CACNA1D: variants seen among roughly 807,000 people sequenced by gnomAD.
CACNA1D encodes voltage-dependent L-type calcium channel subunit alpha-1D.
CACNA1D carries 55 observed loss-of-function variants against 257.1 expected under a neutral mutation model. That is an observed-to-expected ratio of 0.21 (90% CI 0.17 to 0.27). CACNA1D has a LOEUF of 0.27. Ranked by LOEUF, CACNA1D falls within the 10% of genes least tolerant of loss-of-function variation. The probability of loss-of-function intolerance (pLI) is 1.00; values close to 1 mark genes in which losing one functional copy is unlikely to be tolerated. For missense variants in CACNA1D, 1,876 were observed against 2,784.0 expected, an observed-to-expected ratio of 0.67 and a Z score of 7.34; for synonymous variants, 980 against 1,014.9, an observed-to-expected ratio of 0.97 and a Z score of 0.65.
At chr3:53,643,407 C>G (rs74777209) in intron 3 of CACNA1D, among the ~76,000 whole-genome samples, 6,749 of 152,204 alleles carry the variant, frequency 0.044, 505 homozygotes, top group African/African-American at 0.15. Context: ...TGCGGCTCCC[C>G]TGGGTCACCT....
At chr3:53,526,662 T>C (rs1253566454) in intron 3 of CACNA1D, among the ~76,000 whole-genome samples, 1 of 152,214 alleles carries the variant, frequency 6.6e-6, no homozygotes, top group Non-Finnish European at 1.5e-5. Context: ...TTCTTAATCT[T>C]TCTGAGGTTT....
At chr3:53,670,733 TAA>T (rs780017175) in intron 7 of CACNA1D, among the ~76,000 whole-genome samples, 57 of 152,216 alleles carry the variant, frequency 3.7e-4, no homozygotes, top group Admixed American at 1.6e-3. Flanking sequence ...GACTTTGATA[TAA>T]GTTTTTTAAA....
chr3:53,583,247 C>G (rs1488340620), intron 3 of CACNA1D, among the ~76,000 whole-genome samples: 1 of 151,308 alleles, frequency 6.6e-6, no homozygotes, highest in Non-Finnish European at 1.5e-5. Flanking sequence ...TTTTTAATTG[C>G]TACCTCTAGG....
intron 3 of CACNA1D, among the ~76,000 whole-genome samples, chr3:53,612,611 T>C (rs1165773767): frequency 6.6e-6 from 1 of 152,120 alleles, no homozygotes; most frequent in Non-Finnish European, 1.5e-5. Context: ...CAGCAAAGAC[T>C]GGAGGGTTTC....
chr3:53,794,441 G>T (rs535546098), intron 40 of CACNA1D, among the ~76,000 whole-genome samples: 7 of 152,246 alleles, frequency 4.6e-5, no homozygotes, highest in African/African-American at 1.4e-4. Context: ...CCATTCAGAC[G>T]TCCCAAAGGC....
intron 3 of CACNA1D, among the ~76,000 whole-genome samples, chr3:53,627,403 A>C: frequency 6.6e-6 from 1 of 152,236 alleles, no homozygotes; most frequent in Non-Finnish European, 1.5e-5. Context: ...GCAGCGGTTC[A>C]GGACTGTAGC....
intron 3 of CACNA1D, among the ~76,000 whole-genome samples, chr3:53,507,968 C>A (rs2090925444): frequency 1.6e-5 from 2 of 121,878 alleles, no homozygotes; most frequent in Non-Finnish European, 3.8e-5. Flanking sequence ...GCATCAGACA[C>A]AGCTGGAAAG....
chr3:53,585,746 G>A (rs186442640), intron 3 of CACNA1D, among the ~76,000 whole-genome samples: 1 of 152,142 alleles, frequency 6.6e-6, no homozygotes, highest in Non-Finnish European at 1.5e-5. Flanking sequence ...GGGAGGGGCT[G>A]GTCCACGCAG....
chr3:53,574,172 A>T (rs752518743), intron 3 of CACNA1D, among the ~76,000 whole-genome samples: 1 of 152,142 alleles, frequency 6.6e-6, no homozygotes, highest in African/African-American at 2.4e-5. Flanking sequence ...GTTCTAAATG[A>T]CGAGGGTGCT....
chr3:53,527,679 T>C (rs2107414010), intron 3 of CACNA1D, among the ~76,000 whole-genome samples: 1 of 152,322 alleles, frequency 6.6e-6, no homozygotes, highest in African/African-American at 2.4e-5. Flanking sequence ...CATTTCTTCC[T>C]ATCCATGCCC....
intron 3 of CACNA1D, among the ~76,000 whole-genome samples, chr3:53,578,238 A>G (rs2093071269): frequency 6.6e-6 from 1 of 152,114 alleles, no homozygotes; most frequent in South Asian, 2.1e-4. Context: ...AGCCCCATCC[A>G]GCTGGGACAA....
chr3:53,621,674 AG>A (rs1400958706), intron 3 of CACNA1D, among the ~76,000 whole-genome samples: 1 of 151,836 alleles, frequency 6.6e-6, no homozygotes, highest in Non-Finnish European at 1.5e-5. Context: ...GTTAAGAAAA[AG>A]TAAGTAAGCC....
chr3:53,775,454 G>A (rs187044244), intron 34 of CACNA1D, among the ~76,000 whole-genome samples: 1 of 152,308 alleles, frequency 6.6e-6, no homozygotes, highest in Non-Finnish European at 1.5e-5. Context: ...GCAACTGCCT[G>A]TAGTCCTAGC....
intron 40 of CACNA1D, chr3:53,791,003 A>AT: frequency 1.4e-6 from 1 of 702,240 alleles, no homozygotes. Flanking sequence ...ATGCTTTAGA[A>AT]TTTTCTGCCT....
chr3:53,744,769 T>G lies in CACNA1D; in HGVS notation c.2948T>G (p.Leu983Arg). 6.2e-7 allele frequency: 1 copy of G among 1,610,142 alleles called. No individual in the cohort carries two copies. The highest frequency in any genetic ancestry group is 8.5e-7 in the Non-Finnish European group (1 of 1,176,280). ...QSSAISVVKILRVLRVLRPLR... is the reference protein window; with the variant it reads ...QSSAISVVKIRRVLRVLRPLR... Reference sequence around the variant, plus strand: ...AGTGCCATCTCCGTTGTGAAGATTCTGAGGGTCTTAAGGGTCCTGCGTCCC... The same window carrying G: ...AGTGCCATCTCCGTTGTGAAGATTCGGAGGGTCTTAAGGGTCCTGCGTCCC... The change falls in exon 23 of 48, where the codon CTG becomes CGG. Residue 983 changes from leucine to arginine, a missense_variant. Leu to Arg is a moderately radical substitution (Grantham distance 102). Coordinates refer to ENST00000350061, the MANE Select transcript of CACNA1D (RefSeq NM_001128840.3).
intron 44 of CACNA1D, among the ~76,000 whole-genome samples, chr3:53,804,314 C>T (rs2095550893): frequency 1.3e-5 from 2 of 152,204 alleles, no homozygotes; most frequent in African/African-American, 4.8e-5. Context: ...AAATGCCTGA[C>T]TTCTGAAACC....
chr3:53,643,479 G>C (rs1021764427), intron 3 of CACNA1D, among the ~76,000 whole-genome samples: 15 of 152,094 alleles, frequency 9.9e-5, no homozygotes, highest in Admixed American at 7.2e-4. Context: ...GAATGTGCAC[G>C]ATGGCCTCAA....
At chr3:53,628,528 TTA>T (rs1437082321) in intron 3 of CACNA1D, among the ~76,000 whole-genome samples, 4 of 152,236 alleles carry the variant, frequency 2.6e-5, no homozygotes, top group African/African-American at 9.6e-5. Context: ...TATGGGTTTT[TTA>T]TAGTCTTGTA....
intron 3 of CACNA1D, among the ~76,000 whole-genome samples, chr3:53,518,473 T>C (rs972974108): frequency 6.6e-5 from 10 of 152,180 alleles, no homozygotes; most frequent in Non-Finnish European, 1.3e-4. Flanking sequence ...CTCTTTCCAA[T>C]GCAGGAACAG....
Sources: gnomAD v4.1 joint callset for allele counts (sites outside exome capture counted in the v4.1 genomes callset) on GRCh38, gnomAD v4.1.1 for gene constraint, MANE v1.5 for transcripts, NCBI Gene and HGNC (gene_info 2026-07-23, HGNC 2026-07-21) for gene names.